The following PTPRN2 variants were observed in gnomAD, a reference collection of about 807,000 sequenced individuals.
The protein encoded by PTPRN2 is protein tyrosine phosphatase receptor type N2.
Under a neutral mutation model 118.8 loss-of-function variants are expected in PTPRN2, and 74 were observed. That is an observed-to-expected ratio of 0.62 (90% CI 0.52 to 0.76). The LOEUF is 0.76. PTPRN2 is among the 30% of genes least tolerant of loss of function. PTPRN2 has a pLI of 0.00. For missense variants in PTPRN2, 1,481 were observed against 1,394.4 expected (o/e 1.06, Z -0.99); for synonymous variants, 641 against 608.0 (o/e 1.05, Z -0.80).
At chr7:157,543,189 G>T (rs1798096398) in intron 22 of PTPRN2, among the ~76,000 whole-genome samples, 1 of 152,252 alleles carries the variant, frequency 6.6e-6, no homozygotes, top group African/African-American at 2.4e-5. Context: ...AGTGCCAGCA[G>T]TCTGAACAGG....
chr7:157,900,330 C>T (rs953509342), intron 11 of PTPRN2, among the ~76,000 whole-genome samples: 1 of 152,212 alleles, frequency 6.6e-6, no homozygotes, highest in Non-Finnish European at 1.5e-5. Context: ...TTATTTACAA[C>T]AGCAGACAGT....
chr7:158,311,629 T>C (rs1801741453), intron 3 of PTPRN2, among the ~76,000 whole-genome samples: 1 of 152,246 alleles, frequency 6.6e-6, no homozygotes, highest in South Asian at 2.1e-4. Context: ...CTCCTCTTCG[T>C]GCAGAAGACT....
At chr7:158,063,587 A>G (rs1810524662) in intron 11 of PTPRN2, among the ~76,000 whole-genome samples, 1 of 151,808 alleles carries the variant, frequency 6.6e-6, no homozygotes, top group Non-Finnish European at 1.5e-5. Flanking sequence ...GCTGCTGCTC[A>G]CTCTTTGGGT....
intron 2 of PTPRN2, among the ~76,000 whole-genome samples, chr7:158,333,907 C>G (rs1339007847): frequency 7.2e-5 from 10 of 138,902 alleles, no homozygotes; most frequent in East Asian, 2.3e-4. Context: ...CACCCGCAGA[C>G]GTCACTCACA....
intron 3 of PTPRN2, among the ~76,000 whole-genome samples, chr7:158,299,000 G>A (rs1181436233): frequency 6.6e-6 from 1 of 152,180 alleles, no homozygotes; most frequent in Non-Finnish European, 1.5e-5. Flanking sequence ...ACAGGAAGGA[G>A]GGTGCAGCTC....
chr7:157,757,776 C>G (rs933176222), intron 12 of PTPRN2, among the ~76,000 whole-genome samples: 6 of 152,038 alleles, frequency 3.9e-5, no homozygotes, highest in African/African-American at 1.4e-4. Flanking sequence ...AATAATTGCT[C>G]AAAGCCCACT....
At chr7:157,921,968 G>A (rs1039472517) in intron 11 of PTPRN2, among the ~76,000 whole-genome samples, 4 of 152,176 alleles carry the variant, frequency 2.6e-5, no homozygotes, top group Non-Finnish European at 4.4e-5. Flanking sequence ...GGCAGGGCAC[G>A]TGGGAACCCT....
At chr7:158,082,372 C>T (rs565407369) in intron 10 of PTPRN2, among the ~76,000 whole-genome samples, 5 of 152,316 alleles carry the variant, frequency 3.3e-5, no homozygotes, top group Admixed American at 6.5e-5. Flanking sequence ...TTCAACCTCA[C>T]ATGTATTTTT....
rs999077508 is a variant in PTPRN2, at chr7:157,784,509, G to A, written c.1789-101572C>T. ...TTCCTGCCCTGCAGGAACCACCTCA[G>A]CCTCAGCCTCAGCGCTGGAGAGAAA... is the stretch of plus-strand genomic sequence containing the variant. On this transcript the variant is annotated intron_variant, in intron 12 of 22. Transcript: ENST00000389418. The surrounding 1 kb of genome is among the most constrained non-coding windows in gnomAD (Gnocchi z 4.6). 2.0e-5 allele frequency among the ~76,000 whole-genome samples: 3 copies of A among 152,172 alleles called. No homozygotes were observed. Among genetic ancestry groups the A allele is most frequent in the Non-Finnish European group, 1.5e-5 (1 of 68,032 alleles).
At chr7:158,412,902 G>A (rs1339234868) in intron 2 of PTPRN2, among the ~76,000 whole-genome samples, 15 of 136,582 alleles carry the variant, frequency 1.1e-4, no homozygotes, top group Non-Finnish European at 9.3e-5. Flanking sequence ...GGCCCATCCA[G>A]TGCCCTCCTC....
chr7:157,620,398 T>C (rs1803087322), intron 15 of PTPRN2, among the ~76,000 whole-genome samples: 1 of 152,198 alleles, frequency 6.6e-6, no homozygotes. Flanking sequence ...GGCTTATATT[T>C]CCATTTTCTG....
At chr7:158,329,660 T>TTTCAAAGCCGCATGAA (rs1803977242) in intron 2 of PTPRN2, among the ~76,000 whole-genome samples, 1 of 152,064 alleles carries the variant, frequency 6.6e-6, no homozygotes, top group Non-Finnish European at 1.5e-5. Flanking sequence ...CCGCAATAGG[T>TTTCAAAGCCGCATGAA]GGTACTTTGA....
intron 18 of PTPRN2, among the ~76,000 whole-genome samples, chr7:157,577,259 GAA>G (rs1800106883): frequency 6.6e-6 from 1 of 152,194 alleles, no homozygotes; most frequent in South Asian, 2.1e-4. Context: ...GCGCTGATGT[GAA>G]CCCCAGCGCA....
intron 12 of PTPRN2, among the ~76,000 whole-genome samples, chr7:157,799,939 C>G (rs375869654): frequency 6.7e-6 from 1 of 149,330 alleles, no homozygotes; most frequent in Middle Eastern, 3.6e-3. Context: ...CTCCATCCCT[C>G]AGAGGCACCA....
chr7:158,399,997 C>T (rs1432935137), intron 2 of PTPRN2, among the ~76,000 whole-genome samples: 2 of 152,140 alleles, frequency 1.3e-5, no homozygotes, highest in Non-Finnish European at 2.9e-5. Context: ...TGCCAAACTC[C>T]CTGCATGCAA....
intron 19 of PTPRN2, 88 bp from the exon 20 acceptor site, chr7:157,571,581 G>T: frequency 2.1e-6 from 2 of 968,400 alleles, no homozygotes; most frequent in East Asian, 2.6e-5. Flanking sequence ...CGCAAGGTCT[G>T]TGTGTTTGAA....
At chr7:157,657,340 T>C (rs909453894) in intron 13 of PTPRN2, among the ~76,000 whole-genome samples, 13 of 58,004 alleles carry the variant, frequency 2.2e-4, no homozygotes, top group Non-Finnish European at 4.1e-4. Flanking sequence ...TACACACACA[T>C]ACACCACACA....
chr7:158,001,592 G>A (rs749039), intron 11 of PTPRN2, among the ~76,000 whole-genome samples: 69,402 of 151,828 alleles, frequency 0.46, 16,460 homozygotes, highest in East Asian at 0.81. Flanking sequence ...CCTCACGGGC[G>A]CTCCCACCAT....
Position 158,166,233 on chromosome 7 carries a change from C to T in PTPRN2, c.910+698G>A, listed in dbSNP as rs946341727. On this transcript the variant is annotated intron_variant, in intron 6 of 22. Coordinates refer to ENST00000389418, the MANE Select transcript of PTPRN2 (RefSeq NM_002847.5). Reference sequence around the variant, plus strand: ...AAGGGAACACACACTGTCCTCACACCCTCAGGATCATCTCCTCCTCCCCCT... The same window carrying T: ...AAGGGAACACACACTGTCCTCACACTCTCAGGATCATCTCCTCCTCCCCCT... Among the ~76,000 whole-genome samples, 7 of 151,072 alleles carry T rather than the reference C, an allele frequency of 4.6e-5. 1 individual carries two copies. Among genetic ancestry groups the T allele is most frequent in the African/African-American group, 1.7e-4 (7 of 40,974 alleles).
Sources: allele counts gnomAD v4.1 joint callset (sites outside exome capture counted in the v4.1 genomes callset), GRCh38; gene constraint gnomAD v4.1.1; non-coding constraint Gnocchi (gnomAD v3.1); transcripts MANE v1.5; gene names NCBI Gene and HGNC (gene_info 2026-07-23, HGNC 2026-07-21).